Variants in ICA1 observed in about 807,000 individuals in gnomAD.
The protein encoded by ICA1 is islet cell autoantigen 1, also known as 69 kDa islet cell autoantigen.
In ICA1, 40 loss-of-function variants were observed where a neutral mutation model predicts 71.0. The observed-to-expected ratio is 0.56, with a 90% CI of 0.44 to 0.73. ICA1 has a LOEUF of 0.73. Ranked by LOEUF, ICA1 falls within the 30% of genes least tolerant of loss-of-function variation. ICA1 has a pLI of 0.00. For missense variants in ICA1, 578 were observed against 576.5 expected, an observed-to-expected ratio of 1.00 and a Z score of -0.03; for synonymous variants, 207 against 209.5, an observed-to-expected ratio of 0.99 and a Z score of 0.10.
chr7:8,239,191 A>G (rs968938807), intron 1 of ICA1, among the ~76,000 whole-genome samples: 1 of 152,222 alleles, frequency 6.6e-6, no homozygotes, highest in East Asian at 1.9e-4. Context: ...ACCAGAGACA[A>G]TTAATAAACA....
chr7:8,262,370 C>T (rs111700641), upstream of ICA1: 11,163 of 152,298 alleles, frequency 0.073, 573 homozygotes, highest in Non-Finnish European at 0.11. Flanking sequence ...CGCTTCTACC[C>T]TCCAGCAGAC....
At chr7:8,192,422 G>C (rs1427391227) in intron 6 of ICA1, among the ~76,000 whole-genome samples, 1 of 152,194 alleles carries the variant, frequency 6.6e-6, no homozygotes, top group East Asian at 1.9e-4. Context: ...CTTTTCCTCA[G>C]TGCATGGTAT....
chr7:8,166,003 A>G (rs576903820), intron 6 of ICA1, among the ~76,000 whole-genome samples: 17 of 152,218 alleles, frequency 1.1e-4, no homozygotes. Flanking sequence ...TCGTTACAGA[A>G]GTAGAAAGAT....
At chr7:8,254,513 T>C (rs1412299075) in intron 1 of ICA1, among the ~76,000 whole-genome samples, 2 of 148,314 alleles carry the variant, frequency 1.3e-5, no homozygotes, top group African/African-American at 5.0e-5. Flanking sequence ...GTCATCTAGT[T>C]GGCGTTATTT....
At chr7:8,114,103 G>T in intron 13 of ICA1, 59 bp from the exon 14 acceptor site, 5 of 1,584,048 alleles carry the variant, frequency 3.2e-6, no homozygotes, top group Non-Finnish European at 4.3e-6. Context: ...CCTCTGCCAT[G>T]CGGGATGCAG....
At chr7:8,172,706 T>C (rs1292771368) in intron 6 of ICA1, among the ~76,000 whole-genome samples, 1 of 152,218 alleles carries the variant, frequency 6.6e-6, no homozygotes, top group East Asian at 1.9e-4. Flanking sequence ...AGTTCTAGAT[T>C]TGGTTAAGAA....
At chr7:8,238,875 G>C (rs547029475) in intron 1 of ICA1, among the ~76,000 whole-genome samples, 72 of 152,246 alleles carry the variant, frequency 4.7e-4, no homozygotes, top group Admixed American at 1.6e-3. Flanking sequence ...CAGAATCCTA[G>C]ACCCCACTCC....
intron 6 of ICA1, among the ~76,000 whole-genome samples, chr7:8,194,575 C>T (rs1786779809): frequency 6.6e-6 from 1 of 152,170 alleles, no homozygotes; most frequent in East Asian, 1.9e-4. Flanking sequence ...AATGTTACTT[C>T]TTCTTGACCA....
chr7:8,221,216 G>C, intron 5 of ICA1, 59 bp downstream of exon 5: 1 of 1,603,678 alleles, frequency 6.2e-7, no homozygotes, highest in Non-Finnish European at 8.5e-7. Flanking sequence ...TTCGTGAGTA[G>C]GTGGGTCCCG....
At chr7:8,143,737 G>C in intron 9 of ICA1, 138 bp downstream of exon 9, 1 of 610,634 alleles carries the variant, frequency 1.6e-6, no homozygotes, top group Non-Finnish European at 2.9e-6. Flanking sequence ...GTTTGGCTGG[G>C]ATGCTAATAC....
intron 12 of ICA1, among the ~76,000 whole-genome samples, chr7:8,138,162 A>G (rs1482966966): frequency 6.6e-6 from 1 of 152,186 alleles, no homozygotes; most frequent in East Asian, 1.9e-4. Flanking sequence ...AACACTCTAC[A>G]TTCTCACTCA....
chr7:8,193,869 C>G (rs1786511604), intron 6 of ICA1, among the ~76,000 whole-genome samples: 1 of 152,058 alleles, frequency 6.6e-6, no homozygotes, highest in South Asian at 2.1e-4. Context: ...TTATGTGGAA[C>G]AGAGATATTC....
At chr7:8,156,733 T>G (rs1208255094) in intron 8 of ICA1, 8 of 1,189,784 alleles carry the variant, frequency 6.7e-6, no homozygotes, top group Non-Finnish European at 9.0e-6. Context: ...ATATAATAAT[T>G]AAAAGTAACT....
At chr7:8,203,162 G>C (rs1361823063) in intron 6 of ICA1, among the ~76,000 whole-genome samples, 1 of 152,156 alleles carries the variant, frequency 6.6e-6, no homozygotes, top group Non-Finnish European at 1.5e-5. Context: ...ACTGATTCTA[G>C]ATAAACAAAA....
intron 8 of ICA1, among the ~76,000 whole-genome samples, chr7:8,154,435 C>A (rs908846246): frequency 8.5e-5 from 13 of 152,136 alleles, no homozygotes; most frequent in African/African-American, 3.1e-4. Flanking sequence ...TCAGGAAATA[C>A]AGCTGCAATG....
At chr7:8,115,180 G>T (rs1037588689) in intron 13 of ICA1, among the ~76,000 whole-genome samples, 2 of 152,200 alleles carry the variant, frequency 1.3e-5, no homozygotes, top group Non-Finnish European at 2.9e-5. Flanking sequence ...GTATCTACAT[G>T]TAAAAATCAG....
intron 6 of ICA1, among the ~76,000 whole-genome samples, chr7:8,212,999 T>C (rs1794305913): frequency 6.6e-6 from 1 of 152,154 alleles, no homozygotes. Flanking sequence ...ACAGCAGGCT[T>C]TTCCTTCGGC....
chr7:8,196,338 G>C lies in ICA1; in HGVS notation c.579+21967C>G, dbSNP rs1331832181. The stretch of plus-strand genomic sequence containing the variant: ...GAAGGCAGTAAAAAGATCAGTGCTT[G>C]CCAGGCGCTCAGGGAGATAGAAGGA... On this transcript the variant is annotated intron_variant, in intron 6 of 13. Coordinates refer to ENST00000402384, the MANE Select transcript of ICA1 (RefSeq NM_001136020.3). Among the ~76,000 whole-genome samples the C allele has an allele frequency of 2.0e-5, 3 of 152,322 alleles. No individual in the cohort carries two copies. The South Asian group carries it at 6.2e-4, about 32-fold the overall frequency.
Position 8,138,712 on chromosome 7 carries a change from G to A in ICA1, c.1060+128C>T, listed in dbSNP as rs983567291. The stretch of plus-strand genomic sequence containing the variant: ...ATATTTGAGGTCATTTATAAAGACT[G>A]TCACCCAAAAAACTTTCCTTTGGAA... On this transcript the variant is annotated intron_variant, in intron 12 of 13. Transcript: ENST00000402384. The A allele has an allele frequency of 4.1e-6, 3 of 731,454 alleles. No individual in the cohort carries two copies. The African/African-American group carries it at 5.3e-5, about 13-fold the overall frequency. 45.3% of individuals were successfully genotyped at this position (731,454 alleles called of 1,614,324 possible).
Sources: gnomAD v4.1 joint callset for allele counts (sites outside exome capture counted in the v4.1 genomes callset) on GRCh38, gnomAD v4.1.1 for gene constraint, MANE v1.5 for transcripts, NCBI Gene and HGNC (gene_info 2026-07-23, HGNC 2026-07-21) for gene names.